DOK6: variants seen among roughly 807,000 people sequenced by gnomAD.
The protein encoded by DOK6 is docking protein 6, also known as downstream of tyrosine kinase 6.
Under a neutral mutation model 44.0 loss-of-function variants are expected in DOK6, and 22 were observed. That is an observed-to-expected ratio of 0.50 (90% confidence interval 0.36 to 0.71). The LOEUF (loss-of-function observed/expected upper bound fraction) is 0.71, where lower values mean the gene tolerates loss of function less well. Among genes scored for constraint, DOK6 ranks in the 30% least tolerant of loss-of-function variants. The probability of loss-of-function intolerance (pLI) is 0.00; values close to 1 mark genes in which losing one functional copy is unlikely to be tolerated. For missense variants in DOK6, 340 were observed against 416.4 expected (o/e 0.82, Z 1.60); for synonymous variants, 166 against 145.5 (o/e 1.14, Z -1.01).
intron 5 of DOK6, among the ~76,000 whole-genome samples, chr18:69,730,467 T>G (rs969986326): frequency 1.3e-5 from 2 of 152,224 alleles, no homozygotes; most frequent in Non-Finnish European, 2.9e-5. Flanking sequence ...ATACTGTATA[T>G]AGCTAAGAAG....
intron 1 of DOK6, among the ~76,000 whole-genome samples, chr18:69,443,161 T>C (rs568481261): frequency 1.2e-4 from 18 of 152,320 alleles, no homozygotes; most frequent in Middle Eastern, 3.4e-3. Flanking sequence ...ACATAGGATC[T>C]ATAGATTTCT....
At chr18:69,435,057 A>C (rs1183097764) in intron 1 of DOK6, among the ~76,000 whole-genome samples, 16 of 147,460 alleles carry the variant, frequency 1.1e-4, no homozygotes, top group African/African-American at 3.2e-4. Flanking sequence ...GAAGGAAGGA[A>C]GGAAGGAAGG....
At chr18:69,669,508 T>C (rs1040530572) in intron 3 of DOK6, among the ~76,000 whole-genome samples, 2 of 152,212 alleles carry the variant, frequency 1.3e-5, no homozygotes, top group Admixed American at 6.5e-5. Flanking sequence ...CTAAACCCAA[T>C]GTGTTTTTTA....
chr18:69,832,413 G>A (rs1981926769), intron 7 of DOK6: 1 of 152,066 alleles, frequency 6.6e-6, no homozygotes, highest in East Asian at 1.9e-4. Flanking sequence ...TTAATGTGTT[G>A]TTTAATTCTA....
intron 6 of DOK6, among the ~76,000 whole-genome samples, chr18:69,742,943 G>A (rs528131309): frequency 1.2e-4 from 19 of 152,098 alleles, no homozygotes; most frequent in Admixed American, 4.6e-4. Context: ...TATTGGAGTC[G>A]GCCCTCCATA....
chr18:69,537,662 A>G lies in DOK6; in HGVS notation c.67-26825A>G, dbSNP rs550835592. On this transcript the variant is annotated intron_variant, in intron 1 of 7. Coordinates refer to ENST00000382713, the MANE Select transcript of DOK6 (RefSeq NM_152721.6). ...AGACGAGTTGGTGAATTTTACACAA[A>G]TATGCAAACTTCTACTTCAGTTCCA... Among the ~76,000 whole-genome samples, 7 of 152,312 alleles carry G rather than the reference A, an allele frequency of 4.6e-5. No individual in the cohort carries two copies. In the South Asian group the frequency reaches 1.4e-3, roughly 32 times the overall value.
chr18:69,740,143 C>G (rs1196627945), intron 6 of DOK6, among the ~76,000 whole-genome samples: 2 of 152,066 alleles, frequency 1.3e-5, no homozygotes, highest in African/African-American at 4.8e-5. Context: ...ATTGGACTCC[C>G]CATGGAAATG....
intron 1 of DOK6, among the ~76,000 whole-genome samples, chr18:69,471,250 C>CAAAAAAAAAA (rs71176969): frequency 7.2e-5 from 2 of 27,780 alleles, no homozygotes; most frequent in African/African-American, 2.3e-4. Context: ...AACTCCATCT[C>CAAAAAAAAAA]AAAAAAAAAA....
chr18:69,418,332 C>G (rs1312036388), intron 1 of DOK6, among the ~76,000 whole-genome samples: 3 of 152,010 alleles, frequency 2.0e-5, no homozygotes, highest in Non-Finnish European at 4.4e-5. Context: ...CATTTTATGT[C>G]AAATTCAAAT....
At chr18:69,736,470 T>C (rs2144735665) in intron 5 of DOK6, among the ~76,000 whole-genome samples, 1 of 152,272 alleles carries the variant, frequency 6.6e-6, no homozygotes, top group East Asian at 1.9e-4. Flanking sequence ...AAAAAAACAT[T>C]CATTTTGTAC....
chr18:69,832,921 A>C (rs1981942507), intron 7 of DOK6, among the ~76,000 whole-genome samples: 2 of 152,196 alleles, frequency 1.3e-5, no homozygotes, highest in Non-Finnish European at 2.9e-5. Context: ...GAAGAGTACA[A>C]AAAAATGGAA....
At chr18:69,426,901 T>G (rs192615418) in intron 1 of DOK6, among the ~76,000 whole-genome samples, 1 of 152,224 alleles carries the variant, frequency 6.6e-6, no homozygotes, top group Admixed American at 6.5e-5. Context: ...ATAGGTGAAC[T>G]TGTGTAATGG....
At chr18:69,482,369 C>T (rs1260702909) in intron 1 of DOK6, among the ~76,000 whole-genome samples, 1 of 150,432 alleles carries the variant, frequency 6.6e-6, no homozygotes. Context: ...ACGAGTCTTC[C>T]AAATGGAAAA....
chr18:69,684,502 T>A (rs1986108069), intron 4 of DOK6, among the ~76,000 whole-genome samples: 1 of 152,156 alleles, frequency 6.6e-6, no homozygotes, highest in African/African-American at 2.4e-5. Flanking sequence ...TTCACAGCTA[T>A]GTAAGGAGAA....
intron 7 of DOK6, among the ~76,000 whole-genome samples, chr18:69,833,241 A>G (rs1236430763): frequency 6.6e-6 from 1 of 152,122 alleles, no homozygotes; most frequent in Admixed American, 6.6e-5. Context: ...AGAGTTGAGG[A>G]CCCAGACATA....
chr18:69,744,140 GTC>G (rs1978898063), intron 6 of DOK6, among the ~76,000 whole-genome samples: 1 of 151,908 alleles, frequency 6.6e-6, no homozygotes, highest in African/African-American at 2.4e-5. Flanking sequence ...GTTAAACCCC[GTC>G]TCTACTAAAA....
chr18:69,492,014 A>G (rs1292497858), intron 1 of DOK6, among the ~76,000 whole-genome samples: 1 of 152,212 alleles, frequency 6.6e-6, no homozygotes, highest in African/African-American at 2.4e-5. Flanking sequence ...TCTGTTACAA[A>G]GTGTTCATTC....
chr18:69,434,459 G>A (rs1044943099), intron 1 of DOK6, among the ~76,000 whole-genome samples: 1 of 152,160 alleles, frequency 6.6e-6, no homozygotes, highest in African/African-American at 2.4e-5. Flanking sequence ...CATGTGGCAT[G>A]TGTACTGGAT....
intron 7 of DOK6, among the ~76,000 whole-genome samples, chr18:69,779,689 CGTGTGT>C (rs58775349): frequency 0.027 from 3,992 of 146,838 alleles, 70 homozygotes; most frequent in Middle Eastern, 0.059. Context: ...CTCTCTGCCC[CGTGTGT>C]GTGTGTGTGT....
Sources: gnomAD v4.1 joint callset for allele counts (sites outside exome capture counted in the v4.1 genomes callset) on GRCh38, gnomAD v4.1.1 for gene constraint, MANE v1.5 for transcripts, NCBI Gene and HGNC (gene_info 2026-07-23, HGNC 2026-07-21) for gene names.